Variants in CEP89 observed in about 807,000 individuals in gnomAD.
The protein encoded by CEP89 is centrosomal protein of 89 kDa.
CEP89 carries 95 observed loss-of-function variants against 97.6 expected under a neutral mutation model. That is an observed-to-expected ratio of 0.97 (90% CI 0.82 to 1.15). The LOEUF is 1.15. Ranked by LOEUF, CEP89 falls within the 50% of genes most tolerant of loss-of-function variation. The pLI is 0.00. For synonymous variants in CEP89, 354 were observed against 349.1 expected, an observed-to-expected ratio of 1.01 and a Z score of -0.16; for missense variants, 869 against 947.7, an observed-to-expected ratio of 0.92 and a Z score of 1.09.
intron 16 of CEP89, among the ~76,000 whole-genome samples, chr19:32,898,693 C>T (rs1187186204): frequency 1.3e-5 from 2 of 151,852 alleles, no homozygotes; most frequent in African/African-American, 4.8e-5. Flanking sequence ...ACCAGCCTGG[C>T]CAATGTGGCA....
At chr19:32,971,347 C>T (rs1278047866) in intron 1 of CEP89, 2 of 424,550 alleles carry the variant, frequency 4.7e-6, no homozygotes, top group East Asian at 3.4e-5. Context: ...ACAGGGGAGG[C>T]AGGGTGCTCC....
At chr19:32,950,078 C>A (rs1238102125) in intron 4 of CEP89, among the ~76,000 whole-genome samples, 1 of 151,234 alleles carries the variant, frequency 6.6e-6, no homozygotes, top group Non-Finnish European at 1.5e-5. Context: ...CAGTCTTGAA[C>A]TCTTGTCCTC....
chr19:32,958,233 C>A (rs1599778760), intron 3 of CEP89, among the ~76,000 whole-genome samples: 1 of 147,272 alleles, frequency 6.8e-6, no homozygotes, highest in African/African-American at 2.5e-5. Context: ...TTGGCCAAAA[C>A]AAAAATAAAA....
At chr19:32,944,766 G>A (rs1970761469) in intron 5 of CEP89, among the ~76,000 whole-genome samples, 2 of 152,210 alleles carry the variant, frequency 1.3e-5, no homozygotes, top group African/African-American at 4.8e-5. Flanking sequence ...AACGGTACAA[G>A]GGCCTTGCCC....
At chr19:32,930,594 G>A (rs942489471) in intron 9 of CEP89, among the ~76,000 whole-genome samples, 2 of 152,046 alleles carry the variant, frequency 1.3e-5, no homozygotes, top group East Asian at 3.9e-4. Flanking sequence ...ACCCCAGCAA[G>A]AGCCCAGCCA....
chr19:32,917,862 CT>C, intron 13 of CEP89: 1 of 845,636 alleles, frequency 1.2e-6, no homozygotes, highest in Non-Finnish European at 1.4e-6. Flanking sequence ...AATGGTTCTG[CT>C]TACGCATCCA....
chr19:32,949,850 G>A (rs1470388146), intron 4 of CEP89, among the ~76,000 whole-genome samples: 1 of 152,128 alleles, frequency 6.6e-6, no homozygotes, highest in African/African-American at 2.4e-5. Context: ...GGAGGTGGTG[G>A]CAGGGACTAG....
chr19:32,892,202 CATATATATATATATATATATATATATAT>C (rs71336973), intron 16 of CEP89, among the ~76,000 whole-genome samples: 31 of 115,038 alleles, frequency 2.7e-4, no homozygotes, highest in East Asian at 1.8e-3. Context: ...TATATTTAGA[CATATATATATATATATATATATATATAT>C]ATATATATAT....
At chr19:32,892,202 CATATATATATAT>C (rs71336973) in intron 16 of CEP89, among the ~76,000 whole-genome samples, 2,370 of 114,962 alleles carry the variant, frequency 0.021, 58 homozygotes, top group East Asian at 0.048. Context: ...TATATTTAGA[CATATATATATAT>C]ATATATATAT....
chr19:32,930,497 A>G (rs1362693358), intron 9 of CEP89, among the ~76,000 whole-genome samples: 1 of 152,020 alleles, frequency 6.6e-6, no homozygotes, highest in African/African-American at 2.4e-5. Context: ...GTGAAACGTA[A>G]GCCCTCCTTC....
At chr19:32,933,722 A>G in intron 7 of CEP89, 53 bp from the exon 8 acceptor site, 1 of 1,171,320 alleles carries the variant, frequency 8.5e-7, no homozygotes, top group Non-Finnish European at 1.3e-6. Flanking sequence ...TGACAATGTT[A>G]CATCAAAATC....
intron 13 of CEP89, 53 bp downstream of exon 13, chr19:32,918,171 A>G: frequency 1.4e-6 from 2 of 1,400,122 alleles, no homozygotes; most frequent in Non-Finnish European, 2.0e-6. Flanking sequence ...TAGAAGGGTA[A>G]AATGACAATA....
At chr19:32,900,106 C>T in intron 15 of CEP89, 108 bp from the exon 16 acceptor site, 2 of 1,008,842 alleles carry the variant, frequency 2.0e-6, no homozygotes, top group East Asian at 2.4e-5. Flanking sequence ...CATTTAAATG[C>T]TATTCTTCAG....
At position 32,966,406 on chromosome 19, in the gene CEP89, G is replaced by A. The variant is rs141650808; in HGVS notation, c.100C>T (p.Arg34Cys). The A allele has an allele frequency of 1.5e-5, 24 of 1,562,594 alleles. No individual in the cohort carries two copies. The highest frequency in any genetic ancestry group is 7.3e-5 in the East Asian group (3 of 41,100). The change falls in exon 2 of 19, where the codon CGC (arginine) becomes TGC (cysteine). Residue 34 changes from arginine (R) to cysteine (C), a missense_variant. By Grantham distance (180) the Arg-to-Cys change is radical. Transcript: ENST00000305768. ...TTGGGGCTGCGGGGAGGAGGTGTGC[G>A]TGGCACAGCTGCCTTCGGAGCAACG... ...ASVAPKAAVP[R>C]TPPPRSPNPS... is the part of the protein sequence containing the mutation.
In CEP89 at chr19:32,936,690, G is replaced by A. The variant is rs1204643189; in HGVS notation, c.667+941C>T. Among the ~76,000 whole-genome samples the A allele has an allele frequency of 6.6e-6, 1 of 152,044 alleles. No individual in the cohort carries two copies. Among genetic ancestry groups the A allele is most frequent in the East Asian group, 1.9e-4 (1 of 5,182 alleles). ...GAGTTCCCCTCTCTGCTGATAGCTGGAGATGTCAGAGGACCAGCAGCAGAG... is the reference window on the plus strand; with the variant it reads ...GAGTTCCCCTCTCTGCTGATAGCTGAAGATGTCAGAGGACCAGCAGCAGAG... On this transcript the variant is annotated intron_variant, in intron 7 of 18. Coordinates refer to ENST00000305768, the MANE Select transcript of CEP89 (RefSeq NM_032816.5). The surrounding 1 kb of genome is among the most constrained non-coding windows in gnomAD (Gnocchi z 4.5).
chr19:32,949,029 G>A (rs573665895), intron 4 of CEP89, among the ~76,000 whole-genome samples: 3 of 152,250 alleles, frequency 2.0e-5, no homozygotes, highest in African/African-American at 4.8e-5. Context: ...CACCCAGCCT[G>A]TGTTAATCAT....
intron 7 of CEP89, 121 bp from the exon 8 acceptor site, chr19:32,933,790 G>A (rs1970526112): frequency 1.4e-6 from 1 of 691,618 alleles, no homozygotes; most frequent in African/African-American, 1.8e-5. Context: ...TGGTCCCTGG[G>A]AAGGGAATGG....
chr19:32,923,517 C>T lies in CEP89; in HGVS notation c.1190G>A (p.Arg397Gln), dbSNP rs761683617. Residue 397 changes from arginine (R) to glutamine (Q), a missense_variant, in exon 12 of 19, where the codon CGA becomes CAA. Coordinates refer to ENST00000305768, the MANE Select transcript of CEP89 (RefSeq NM_032816.5). The part of the protein sequence containing the change: ...LKEEMRMFRM[R>Q]VQEVVKENEE... ...ATTTTCTTTCACCACTTCTTGGACT[C>T]GCATCCTAAACATTCTCATTTCCTC... 31 of 1,603,176 alleles carry T rather than the reference C, an allele frequency of 1.9e-5. No individual in the cohort carries two copies. Among genetic ancestry groups the T allele is most frequent in the Non-Finnish European group, 2.5e-5 (29 of 1,170,520 alleles).
At chr19:32,951,872 T>G (rs1321445798) in intron 4 of CEP89, among the ~76,000 whole-genome samples, 2 of 152,116 alleles carry the variant, frequency 1.3e-5, no homozygotes, top group Non-Finnish European at 2.9e-5. Context: ...ATCTCTTTCT[T>G]CCAAGGGAAA....
Sources: gnomAD v4.1 joint callset for allele counts (sites outside exome capture counted in the v4.1 genomes callset) on GRCh38, gnomAD v4.1.1 for gene constraint, Gnocchi (gnomAD v3.1) non-coding constraint, MANE v1.5 for transcripts, NCBI Gene and HGNC (gene_info 2026-07-23, HGNC 2026-07-21) for gene names.